Variants in FHL2 observed in about 807,000 individuals in gnomAD.
FHL2 encodes the protein four and a half LIM domains 2.
FHL2 carries 20 observed loss-of-function variants against 32.7 expected under a neutral mutation model. That is an observed-to-expected ratio of 0.61 (90% CI 0.43 to 0.89). The LOEUF (loss-of-function observed/expected upper bound fraction) is 0.89, where lower values mean the gene tolerates loss of function less well. Ranked by LOEUF, FHL2 falls within the 40% of genes least tolerant of loss-of-function variation. The pLI, the probability that FHL2 is intolerant of heterozygous loss-of-function variation, is 0.00. For missense variants in FHL2, 311 were observed against 358.6 expected (o/e 0.87, Z 1.07); for synonymous variants, 123 against 128.1 (o/e 0.96, Z 0.27).
At chr2:105,409,982 C>A (rs1251492986) in intron 1 of FHL2, among the ~76,000 whole-genome samples, 2 of 152,228 alleles carry the variant, frequency 1.3e-5, no homozygotes, top group African/African-American at 4.8e-5. Flanking sequence ...ATACCAGGAG[C>A]TCAGCCCACT....
At chr2:105,405,835 G>T (rs1683613897) in intron 1 of FHL2, among the ~76,000 whole-genome samples, 1 of 152,162 alleles carries the variant, frequency 6.6e-6, no homozygotes, top group African/African-American at 2.4e-5. Flanking sequence ...GTGGCCACAG[G>T]TAACACCCTT....
At chr2:105,425,748 G>A (rs34407602) in intron 1 of FHL2, among the ~76,000 whole-genome samples, 4,927 of 151,696 alleles carry the variant, frequency 0.032, 153 homozygotes, top group East Asian at 0.093. Context: ...TCCAGTCATA[G>A]TACCTTCCCT....
In FHL2 at chr2:105,395,196, CT is replaced by C. The variant is rs147854620; in HGVS notation, c.-25+1450del. Among the ~76,000 whole-genome samples the C allele has an allele frequency of 4.3e-3, 656 of 152,330 alleles. 3 individuals are homozygous for C. The highest frequency in any genetic ancestry group is 0.014 in the African/African-American group (599 of 41,562). On this transcript the variant is annotated intron_variant, in intron 2 of 6. Transcript: ENST00000530340. Reference sequence around the variant, plus strand: ...TTAAGATCCCATCTTGTCATTTAATCTCAAAACACATCAATTGCAGCCATGC... The same window carrying C: ...TTAAGATCCCATCTTGTCATTTAATCCAAAACACATCAATTGCAGCCATGC...
chr2:105,358,144 GC>G (rs1476773642), downstream of FHL2: 1 of 152,188 alleles, frequency 6.6e-6, no homozygotes, highest in Non-Finnish European at 1.5e-5. Context: ...GGAGTTACCA[GC>G]CCCTTCCTTA....
At chr2:105,374,154 A>T (rs1179070585) in intron 3 of FHL2, 6 of 255,810 alleles carry the variant, frequency 2.3e-5, no homozygotes, top group Non-Finnish European at 4.6e-5. Flanking sequence ...CACTGTGGTC[A>T]CCGGCATGGC....
chr2:105,400,953 A>G (rs1465013808), upstream of FHL2, among the ~76,000 whole-genome samples: 4 of 152,034 alleles, frequency 2.6e-5, 1 homozygote, highest in South Asian at 8.3e-4. Context: ...GGAAACAAAC[A>G]TACCCAGTTT....
intron 1 of FHL2, among the ~76,000 whole-genome samples, chr2:105,433,521 T>C (rs1016093093): frequency 1.6e-4 from 24 of 152,162 alleles, no homozygotes; most frequent in African/African-American, 5.6e-4. Context: ...TGTGGAGACT[T>C]TTCCAAGTTT....
chr2:105,418,431 CAA>C (rs57767173), intron 1 of FHL2, among the ~76,000 whole-genome samples: 2 of 148,136 alleles, frequency 1.4e-5, no homozygotes, highest in South Asian at 2.2e-4. Flanking sequence ...ACAACATCAA[CAA>C]AAAAAAAACA....
At chr2:105,393,616 G>C (rs7572764) in intron 2 of FHL2, among the ~76,000 whole-genome samples, 24,635 of 152,250 alleles carry the variant, frequency 0.16, 2,237 homozygotes, top group South Asian at 0.22. Flanking sequence ...AGGACCAGGG[G>C]CTTTGTGAAT....
intron 1 of FHL2, among the ~76,000 whole-genome samples, chr2:105,413,984 C>T (rs763217882): frequency 2.0e-5 from 3 of 152,224 alleles, no homozygotes; most frequent in Non-Finnish European, 4.4e-5. Context: ...AAGACTGCCA[C>T]TCTGTACTTC....
At chr2:105,385,544 T>C (rs1573339375) in intron 3 of FHL2, among the ~76,000 whole-genome samples, 1 of 152,302 alleles carries the variant, frequency 6.6e-6, no homozygotes, top group East Asian at 1.9e-4. Flanking sequence ...CCTTTAGAGA[T>C]GCCAAAGGAA....
chr2:105,361,483 C>T (rs758574596), intron 6 of FHL2, 49 bp from the exon 7 acceptor site: 1 of 1,540,796 alleles, frequency 6.5e-7, no homozygotes, highest in South Asian at 1.1e-5. Context: ...TAGAATCAGG[C>T]AACTGGGACT....
chr2:105,401,019 T>C (rs1427826910), upstream of FHL2, among the ~76,000 whole-genome samples: 2 of 147,700 alleles, frequency 1.4e-5, no homozygotes, highest in Non-Finnish European at 3.0e-5. Context: ...ACCAAGAGAT[T>C]AAAAAAAGAC....
rs776981929 is a variant in FHL2 at position 105,373,549 on chromosome 2, G to T, written c.331+10C>A. On this transcript the variant is annotated intron_variant, in intron 4 of 6. Coordinates refer to ENST00000530340, the MANE Select transcript of FHL2 (RefSeq NM_001318895.3). ...ACTGGCTCACGCATGAGAAAGGAGT[G>T]CCTCCTGACCTGGCATGATGGTCTT... 2.5e-6 allele frequency: 4 copies of T among 1,614,124 alleles called. No individual in the cohort carries two copies. The highest frequency in any genetic ancestry group is 3.4e-6 in the Non-Finnish European group (4 of 1,179,966).
At chr2:105,424,534 C>T (rs1466229264) in intron 1 of FHL2, among the ~76,000 whole-genome samples, 1 of 152,122 alleles carries the variant, frequency 6.6e-6, no homozygotes, top group Non-Finnish European at 1.5e-5. Context: ...TGGGTATATA[C>T]CCAAAGGATT....
chr2:105,416,582 C>T lies in FHL2; in HGVS notation c.-25+21817G>A, dbSNP rs189716707. Among the ~76,000 whole-genome samples, 7 of 152,370 alleles carry T rather than the reference C, an allele frequency of 4.6e-5. No homozygotes were observed. The East Asian group carries it at 1.3e-3, about 29-fold the overall frequency. On this transcript the variant is annotated intron_variant, in intron 1 of 5. Transcript: ENST00000393352. ...CATCAATACTTTTCATATTCTATTA[C>T]ATTAAAGCCCATTTGGTCTATCTTA...
At chr2:105,370,194 G>T (rs1680933952) in intron 4 of FHL2, among the ~76,000 whole-genome samples, 1 of 152,004 alleles carries the variant, frequency 6.6e-6, no homozygotes, top group African/African-American at 2.4e-5. Context: ...GCAACATAGA[G>T]AGTCCCTGTC....
At chr2:105,417,207 C>A (rs1198414366) in intron 1 of FHL2, among the ~76,000 whole-genome samples, 1 of 151,390 alleles carries the variant, frequency 6.6e-6, no homozygotes, top group Non-Finnish European at 1.5e-5. Context: ...CACGGTGAAA[C>A]CCCATCTCTA....
At chr2:105,429,112 T>C (rs1172067956) in intron 1 of FHL2, among the ~76,000 whole-genome samples, 1 of 152,180 alleles carries the variant, frequency 6.6e-6, no homozygotes, top group African/African-American at 2.4e-5. Context: ...ATACAAAACC[T>C]GAATCTGGGA....
Sources: allele counts gnomAD v4.1 joint callset (sites outside exome capture counted in the v4.1 genomes callset), GRCh38; gene constraint gnomAD v4.1.1; transcripts MANE v1.5; gene names NCBI Gene and HGNC (gene_info 2026-07-23, HGNC 2026-07-21).